The following NLRP4 variants were observed in gnomAD, a reference collection of about 807,000 sequenced individuals.
NLRP4 encodes the protein NLR family pyrin domain containing 4, also known as NACHT, LRR and PYD domains-containing protein 4.
NLRP4 carries 44 observed loss-of-function variants against 84.7 expected under a neutral mutation model. That is an observed-to-expected ratio of 0.52 (90% CI 0.41 to 0.67). NLRP4 has a LOEUF of 0.67. Ranked by LOEUF, NLRP4 falls within the 30% of genes least tolerant of loss-of-function variation. The probability of loss-of-function intolerance (pLI) is 0.00; values close to 1 mark genes in which losing one functional copy is unlikely to be tolerated. For missense variants in NLRP4, 1,260 were observed against 1,219.4 expected (o/e 1.03, Z -0.50); for synonymous variants, 544 against 476.4 (o/e 1.14, Z -1.85).
At chr19:55,847,716 C>CTTTT (rs550137661) in intron 1 of NLRP4, among the ~76,000 whole-genome samples, 2 of 135,118 alleles carry the variant, frequency 1.5e-5, no homozygotes, top group Non-Finnish European at 3.2e-5. Context: ...ACCTAATATC[C>CTTTT]TTTTTTTTTT....
At chr19:55,859,911 T>TGA (rs1182586374) in intron 3 of NLRP4, among the ~76,000 whole-genome samples, 3 of 105,642 alleles carry the variant, frequency 2.8e-5, no homozygotes, top group Non-Finnish European at 5.1e-5. Flanking sequence ...TGGGTGACAG[T>TGA]GAGACTCTCA....
intron 2 of NLRP4, among the ~76,000 whole-genome samples, chr19:55,854,813 C>G (rs1984347124): frequency 6.6e-6 from 1 of 152,116 alleles, no homozygotes; most frequent in African/African-American, 2.4e-5. Flanking sequence ...CACTGAACCC[C>G]CCAGGTTCAT....
chr19:55,870,878 G>C lies in NLRP4; in HGVS notation c.2406G>C (p.Met802Ile), dbSNP rs1434005182. 1 of 1,613,988 alleles carries C rather than the reference G, an allele frequency of 6.2e-7. No homozygotes were observed. Among genetic ancestry groups the C allele is most frequent in the East Asian group, 2.2e-5 (1 of 44,888 alleles). Residue 802 changes from methionine (M) to isoleucine (I), a missense_variant, in exon 7 of 10, where the codon ATG becomes ATC. Coordinates refer to ENST00000301295, the MANE Select transcript of NLRP4 (RefSeq NM_134444.5). ...SEQCCEYISE[M>I]LLRNKSVRYL... ...AGTGCTGCGAATACATCTCTGAAATGCTTCTGCGTAACAAGAGCGTGCGCT... is the reference window on the plus strand; with the variant it reads ...AGTGCTGCGAATACATCTCTGAAATCCTTCTGCGTAACAAGAGCGTGCGCT...
intron 7 of NLRP4, among the ~76,000 whole-genome samples, chr19:55,871,619 C>T (rs16986744): frequency 0.15 from 22,708 of 152,100 alleles, 1,904 homozygotes; most frequent in East Asian, 0.23. Flanking sequence ...CTTCTGAAAT[C>T]TGGCAGCGTG....
Position 55,862,135 on chromosome 19 carries a change from C to T in NLRP4, c.2162C>T (p.Pro721Leu), listed in dbSNP as rs1437316555. 4 of 1,613,600 alleles carry T rather than the reference C, an allele frequency of 2.5e-6. No individual in the cohort carries two copies. Among genetic ancestry groups the T allele is most frequent in the Non-Finnish European group, 3.4e-6 (4 of 1,179,650 alleles). ...TCCCTCTGTGATGCCTTGAACTACC[C>T]AGCAGGCAACGTCAAAGAGCTAGCG... is the stretch of plus-strand genomic sequence containing the variant. ...IRSLCDALNY[P>L]AGNVKELALV... Residue 721 changes from proline (P) to leucine (L), a missense_variant, in exon 5 of 10, where the codon CCA becomes CTA. Physicochemically the swap from Pro to Leu is moderately conservative, Grantham distance 98. This residue lies in a region of NLRP4 where 544 missense variants were observed against 531.7 expected (regional missense o/e 1.02). Coordinates refer to ENST00000301295, the MANE Select transcript of NLRP4 (RefSeq NM_134444.5).
chr19:55,863,714 G>A (rs1984849808), intron 5 of NLRP4, among the ~76,000 whole-genome samples: 1 of 152,160 alleles, frequency 6.6e-6, no homozygotes, highest in African/African-American at 2.4e-5. Flanking sequence ...GGGTACAGGA[G>A]AATGATGAAC....
chr19:55,838,606 G>A (rs1983487414), intron 1 of NLRP4, among the ~76,000 whole-genome samples: 1 of 152,010 alleles, frequency 6.6e-6, no homozygotes, highest in Non-Finnish European at 1.5e-5. Flanking sequence ...AAAATGATGT[G>A]ATTTTACACT....
chr19:55,873,005 A>G lies in NLRP4; in HGVS notation c.2525+2008A>G, dbSNP rs537405200. On this transcript the variant is annotated intron_variant, in intron 7 of 9. Coordinates refer to ENST00000301295, the MANE Select transcript of NLRP4 (RefSeq NM_134444.5). ...CAGAGGGCAGTACAGTGAGATATTC[A>G]GTATGGCGGGGAGACGGGAGGGTGG... Among the ~76,000 whole-genome samples, 113 of 152,312 alleles carry G rather than the reference A, an allele frequency of 7.4e-4. 1 individual carries two copies. The highest frequency in any genetic ancestry group is 2.6e-3 in the African/African-American group (108 of 41,568).
chr19:55,853,945 G>GTC (rs1600226938), intron 2 of NLRP4, among the ~76,000 whole-genome samples: 1 of 117,826 alleles, frequency 8.5e-6, no homozygotes, highest in East Asian at 2.5e-4. Context: ...CTCTCTTTCT[G>GTC]TCTTTCTCTC....
At position 55,861,414 on chromosome 19, in the gene NLRP4, C is replaced by T. The variant is rs776452998; in HGVS notation, c.1885C>T (p.His629Tyr). The change falls in exon 4 of 10, where the codon CAC becomes TAC. Residue 629 changes from histidine to tyrosine, a missense_variant. By Grantham distance (83) the His-to-Tyr change is moderately conservative. Coordinates refer to ENST00000301295, the MANE Select transcript of NLRP4 (RefSeq NM_134444.5). ...TSDYSLICWH[H>Y]ICSVLTTSGH... ...GGATTACAGCCTCATCTGTTGGCAT[C>T]ACATCTGCTCTGTGCTCACCACCAG... is the stretch of plus-strand genomic sequence containing the variant. The T allele has an allele frequency of 1.4e-5, 23 of 1,614,064 alleles. No homozygotes were observed. In the East Asian group the frequency reaches 4.7e-4, roughly 33 times the overall value.
At chr19:55,848,385 T>G (rs1221784793) in intron 1 of NLRP4, among the ~76,000 whole-genome samples, 1 of 151,944 alleles carries the variant, frequency 6.6e-6, no homozygotes, top group African/African-American at 2.4e-5. Context: ...TATTGTATAC[T>G]ATACTATACG....
At chr19:55,838,737 G>A (rs1983492718) in intron 1 of NLRP4, among the ~76,000 whole-genome samples, 1 of 151,900 alleles carries the variant, frequency 6.6e-6, no homozygotes, top group Non-Finnish European at 1.5e-5. Flanking sequence ...TGTACACATT[G>A]TACAAATTTA....
chr19:55,849,712 ATGTAATTTCTATATTTACAG>A (rs1437388922), intron 1 of NLRP4, among the ~76,000 whole-genome samples: 1 of 152,248 alleles, frequency 6.6e-6, no homozygotes, highest in Non-Finnish European at 1.5e-5. Context: ...ACTGAGAAAA[ATGTAATTTCTATATTTACAG>A]TGTAATTTCT....
chr19:55,852,476 G>GTTTTT (rs11301833), intron 2 of NLRP4, 116 bp downstream of exon 2: 42 of 444,552 alleles, frequency 9.4e-5, no homozygotes, highest in Middle Eastern at 6.0e-4. Context: ...AAAATATTAG[G>GTTTTT]TTTTTTTTTT....
intron 1 of NLRP4, among the ~76,000 whole-genome samples, chr19:55,837,636 C>A (rs1413179916): frequency 4.9e-5 from 7 of 141,618 alleles, no homozygotes; most frequent in Non-Finnish European, 1.1e-4. Context: ...AGTCCTAACC[C>A]CTTTATAGGG....
intron 1 of NLRP4, among the ~76,000 whole-genome samples, chr19:55,850,728 T>A (rs62127058): frequency 1.9e-5 from 1 of 54,002 alleles, no homozygotes; most frequent in South Asian, 5.9e-4. Context: ...CGGTGTACTT[T>A]CCGAGGCTGC....
At chr19:55,853,650 T>C (rs895553280) in intron 2 of NLRP4, among the ~76,000 whole-genome samples, 8 of 152,172 alleles carry the variant, frequency 5.3e-5, no homozygotes, top group Non-Finnish European at 1.0e-4. Flanking sequence ...GCTCAAGTGA[T>C]CCTCCTGCCT....
In NLRP4 at chr19:55,858,198, A is replaced by G; in HGVS notation, c.805A>G (p.Met269Val). ...VLLSSLLRKK[M>V]LPEASLLIAI... ...TCTGAGCAGTTTGCTGAGGAAGAAG[A>G]TGCTCCCGGAGGCCTCCCTGCTCAT... Residue 269 changes from methionine (M) to valine (V), a missense_variant, in exon 3 of 10, where the codon ATG (methionine) becomes GTG (valine). Transcript: ENST00000301295. The surrounding 1 kb of genome is among the most constrained non-coding windows in gnomAD (Gnocchi z 4.2). 6.2e-7 allele frequency: 1 copy of G among 1,614,116 alleles called. No individual in the cohort carries two copies. The highest frequency in any genetic ancestry group is 2.2e-5 in the East Asian group (1 of 44,880).
intron 2 of NLRP4, among the ~76,000 whole-genome samples, chr19:55,855,994 A>G (rs2164658): frequency 0.016 from 2,501 of 152,292 alleles, 74 homozygotes; most frequent in African/African-American, 0.057. Flanking sequence ...CAATGACCAC[A>G]GCAACTGGTT....
Sources: allele counts gnomAD v4.1 joint callset (sites outside exome capture counted in the v4.1 genomes callset), GRCh38; gene constraint gnomAD v4.1.1; regional missense constraint gnomAD v4.1.1; non-coding constraint Gnocchi (gnomAD v3.1); transcripts MANE v1.5; gene names NCBI Gene and HGNC (gene_info 2026-07-23, HGNC 2026-07-21).